The following ARHGEF28 variants were observed in gnomAD, a reference collection of about 807,000 sequenced individuals.
The protein encoded by ARHGEF28 is 190 kDa guanine nucleotide exchange factor.
ARHGEF28 carries 152 observed loss-of-function variants against 206.6 expected under a neutral mutation model. The ratio of observed to expected loss-of-function variants is 0.74; its 90% CI spans 0.64 to 0.84. The LOEUF is 0.84. Among genes scored for constraint, ARHGEF28 ranks in the 40% least tolerant of loss-of-function variants. The probability of loss-of-function intolerance (pLI) is 0.00; values close to 1 mark genes in which losing one functional copy is unlikely to be tolerated. For missense variants in ARHGEF28, 2,028 were observed against 2,073.2 expected (o/e 0.98, Z 0.42); for synonymous variants, 763 against 776.4 (o/e 0.98, Z 0.29).
At chr5:73,651,858 T>C (rs555765553) in intron 1 of ARHGEF28, among the ~76,000 whole-genome samples, 6 of 152,286 alleles carry the variant, frequency 3.9e-5, no homozygotes, top group African/African-American at 1.4e-4. Flanking sequence ...GCAATTCTGT[T>C]TTAACTATGG....
intron 1 of ARHGEF28, among the ~76,000 whole-genome samples, chr5:73,678,797 TAAA>T (rs139655302): frequency 6.8e-6 from 1 of 147,766 alleles, no homozygotes; most frequent in African/African-American, 2.5e-5. Flanking sequence ...CTTATCAAGT[TAAA>T]AAAAAAAGGG....
At chr5:73,676,459 G>C (rs957372218) in intron 1 of ARHGEF28, among the ~76,000 whole-genome samples, 1 of 151,982 alleles carries the variant, frequency 6.6e-6, no homozygotes, top group Non-Finnish European at 1.5e-5. Context: ...GACTGGTCTC[G>C]AACTCCTGAC....
Position 73,880,257 on chromosome 5 carries a change from C to T in ARHGEF28, c.2815-2215C>T, listed in dbSNP as rs184366600. ...AGGTGTGGGATATAATATCCTGGTG[C>T]GCCGTTTCCTAAGCCCGTCGGAAAA... On this transcript the variant is annotated intron_variant, in intron 22 of 35. Coordinates refer to ENST00000513042, the MANE Select transcript of ARHGEF28 (RefSeq NM_001177693.2). 2.3e-3 allele frequency among the ~76,000 whole-genome samples: 343 copies of T among 152,304 alleles called. 2 individuals are homozygous for T. The highest frequency in any genetic ancestry group is 7.3e-3 in the African/African-American group (305 of 41,554).
chr5:73,866,728 C>G (rs927184578), intron 18 of ARHGEF28, among the ~76,000 whole-genome samples: 1 of 152,170 alleles, frequency 6.6e-6, no homozygotes, highest in African/African-American at 2.4e-5. Flanking sequence ...CAGTTCTTTA[C>G]ATTGCATACA....
Position 73,846,471 on chromosome 5 carries a change from C to A in ARHGEF28, c.1631C>A (p.Ser544Ter). ...CTTCCTCTATCAAGTAATCTACAGTCGAAGGTATTCTTATTGCTATTAATT... is the reference window on the plus strand; with the variant it reads ...CTTCCTCTATCAAGTAATCTACAGTAGAAGGTATTCTTATTGCTATTAATT... ...ESLPLSSNLQ[S>*]KESLLSGVRS... The change falls in exon 12 of 36, where the codon TCG (serine) becomes TAG (stop). Residue 544 changes from serine to a stop codon, truncating the protein, a stop_gained. Transcript: ENST00000513042. LOFTEE classifies it high-confidence loss of function. 1.2e-6 allele frequency: 2 copies of A among 1,612,420 alleles called. No homozygotes were observed. The highest frequency in any genetic ancestry group is 2.2e-5 in the South Asian group (2 of 91,004).
At chr5:73,633,663 G>A (rs1471854289) in intron 1 of ARHGEF28, among the ~76,000 whole-genome samples, 4 of 133,650 alleles carry the variant, frequency 3.0e-5, no homozygotes, top group Non-Finnish European at 6.1e-5. Context: ...TGCAACCTCC[G>A]CCTCCTGGGT....
intron 9 of ARHGEF28, among the ~76,000 whole-genome samples, chr5:73,797,141 A>C (rs937276954): frequency 1.3e-5 from 2 of 152,258 alleles, no homozygotes; most frequent in Non-Finnish European, 2.9e-5. Flanking sequence ...ATAAATGAGC[A>C]CAACTTTAGT....
intron 2 of ARHGEF28, among the ~76,000 whole-genome samples, chr5:73,708,198 T>TA (rs1418171440): frequency 3.3e-5 from 5 of 151,978 alleles, no homozygotes; most frequent in African/African-American, 9.7e-5. Context: ...TTTTTTTTTT[T>TA]AATTTCAGCT....
intron 10 of ARHGEF28, among the ~76,000 whole-genome samples, chr5:73,836,065 T>G (rs1757613913): frequency 6.6e-6 from 1 of 152,228 alleles, no homozygotes; most frequent in Admixed American, 6.5e-5. Flanking sequence ...GACACTTAGG[T>G]TGATTCCATC....
chr5:73,885,358 T>G (rs1016775640), intron 24 of ARHGEF28, among the ~76,000 whole-genome samples: 1 of 152,178 alleles, frequency 6.6e-6, no homozygotes, highest in Non-Finnish European at 1.5e-5. Context: ...CATCTTACTG[T>G]CAGCGGAAGG....
At position 73,875,683 on chromosome 5, in the gene ARHGEF28, T is replaced by C. The variant is rs1003090438; in HGVS notation, c.2814+2437T>C. Among the ~76,000 whole-genome samples the C allele has an allele frequency of 2.1e-3, 324 of 151,644 alleles. 3 individuals carry two copies. The highest frequency in any genetic ancestry group is 7.3e-3 in the African/African-American group (303 of 41,458). ...ACCATTTATTAAATAGGGAATCCTT[T>C]CCCCATTGCTTGTTTTTCTCAGGTT... On this transcript the variant is annotated intron_variant, in intron 22 of 35. Transcript: ENST00000513042.
chr5:73,667,877 G>A (rs994866255), intron 1 of ARHGEF28, among the ~76,000 whole-genome samples: 1 of 152,122 alleles, frequency 6.6e-6, no homozygotes, highest in Non-Finnish European at 1.5e-5. Context: ...CTTCCACAAA[G>A]TCTTAAGACA....
At chr5:73,849,938 A>G (rs775817008) in intron 13 of ARHGEF28, among the ~76,000 whole-genome samples, 3 of 151,960 alleles carry the variant, frequency 2.0e-5, no homozygotes, top group Non-Finnish European at 4.4e-5. Flanking sequence ...TTTATTGTCT[A>G]TTATCCTTAA....
intron 24 of ARHGEF28, among the ~76,000 whole-genome samples, chr5:73,884,411 C>G (rs888077708): frequency 2.6e-5 from 4 of 152,156 alleles, no homozygotes; most frequent in African/African-American, 9.7e-5. Context: ...ATCTATAAGA[C>G]CTGTGTCTGT....
chr5:73,847,874 G>T (rs572730491), intron 12 of ARHGEF28, among the ~76,000 whole-genome samples: 4 of 152,266 alleles, frequency 2.6e-5, no homozygotes, highest in South Asian at 4.1e-4. Flanking sequence ...GTCTAGGCCC[G>T]GTAGGTGCTC....
In ARHGEF28 at chr5:73,900,459, G is replaced by A. The variant is rs186198920; in HGVS notation, c.3974-725G>A. 1.9e-4 allele frequency: 29 copies of A among 152,296 alleles called. 1 individual carries two copies. Among genetic ancestry groups the A allele is most frequent in the Admixed American group, 7.8e-4 (12 of 15,302 alleles). The allele number at this position is 152,296 out of a possible 1,614,324, so 9.4% of individuals were successfully genotyped here. Reference sequence around the variant, plus strand: ...AAAATCCTGCCAACAGAGATTTAATGGATGAAGTGAAATCTGTATTTGGTA... The same window carrying A: ...AAAATCCTGCCAACAGAGATTTAATAGATGAAGTGAAATCTGTATTTGGTA... On this transcript the variant is annotated intron_variant, in intron 30 of 35. Coordinates refer to ENST00000513042, the MANE Select transcript of ARHGEF28 (RefSeq NM_001177693.2).
At chr5:73,668,700 A>G (rs903281934) in intron 1 of ARHGEF28, among the ~76,000 whole-genome samples, 2 of 133,528 alleles carry the variant, frequency 1.5e-5, no homozygotes, top group Non-Finnish European at 3.2e-5. Context: ...AATGCAGACA[A>G]AAGAGAGAGG....
intron 1 of ARHGEF28, among the ~76,000 whole-genome samples, chr5:73,668,751 T>C (rs1746125936): frequency 1.3e-5 from 1 of 74,858 alleles, no homozygotes; most frequent in African/African-American, 5.0e-5. Flanking sequence ...AACTTCTGAG[T>C]ACTCTTACTT....
At chr5:73,888,808 C>T (rs1371750310) in intron 26 of ARHGEF28, among the ~76,000 whole-genome samples, 3 of 152,202 alleles carry the variant, frequency 2.0e-5, no homozygotes, top group African/African-American at 4.8e-5. Flanking sequence ...TACCCATAGA[C>T]AACATTTACC....
Sources: allele counts gnomAD v4.1 joint callset (sites outside exome capture counted in the v4.1 genomes callset), GRCh38; gene constraint gnomAD v4.1.1; transcripts MANE v1.5; gene names NCBI Gene and HGNC (gene_info 2026-07-23, HGNC 2026-07-21).